NCMAP: variants seen among roughly 807,000 people sequenced by gnomAD.
NCMAP encodes the protein noncompact myelin-associated protein.
A neutral mutation model predicts 7.8 loss-of-function variants in NCMAP; 8 were observed. The ratio of observed to expected loss-of-function variants is 1.02; its 90% CI spans 0.60 to 1.84. The LOEUF is 1.84. Ranked by LOEUF, NCMAP falls within the 40% of genes most tolerant of loss-of-function variation. The probability of loss-of-function intolerance (pLI) is 0.00; values close to 1 mark genes in which losing one functional copy is unlikely to be tolerated. For synonymous variants in NCMAP, 41 were observed against 52.9 expected (o/e 0.78, Z 0.98); for missense variants, 112 against 131.4 (o/e 0.85, Z 0.72).
intron 1 of NCMAP, among the ~76,000 whole-genome samples, chr1:24,586,088 T>C (rs1651872354): frequency 6.6e-6 from 1 of 152,230 alleles, no homozygotes; most frequent in South Asian, 2.1e-4. Flanking sequence ...ATCTCATTTA[T>C]TCTCACAACC....
intron 1 of NCMAP, among the ~76,000 whole-genome samples, chr1:24,558,325 T>C (rs180957997): frequency 6.6e-6 from 1 of 152,294 alleles, no homozygotes. Flanking sequence ...CCTAGCATGG[T>C]GTGTGGCTCA....
At chr1:24,558,324 G>C (rs1320902210) in intron 1 of NCMAP, among the ~76,000 whole-genome samples, 1 of 152,182 alleles carries the variant, frequency 6.6e-6, no homozygotes, top group Non-Finnish European at 1.5e-5. Flanking sequence ...ACCTAGCATG[G>C]TGTGTGGCTC....
intron 1 of NCMAP, among the ~76,000 whole-genome samples, chr1:24,569,581 T>A (rs189147006): frequency 2.7e-5 from 4 of 150,666 alleles, no homozygotes; most frequent in African/African-American, 1.0e-4. Context: ...TGAACTGTGG[T>A]GTACTTGGCC....
chr1:24,601,237 G>A (rs1424681433), intron 3 of NCMAP, among the ~76,000 whole-genome samples: 2 of 152,116 alleles, frequency 1.3e-5, no homozygotes, highest in Admixed American at 6.5e-5. Flanking sequence ...TTTTTTAAAC[G>A]TAGTAATGAT....
chr1:24,587,315 G>A (rs544514987), intron 1 of NCMAP, among the ~76,000 whole-genome samples: 2 of 152,282 alleles, frequency 1.3e-5, no homozygotes, highest in South Asian at 4.1e-4. Flanking sequence ...TACAATTGGT[G>A]TTTTGAAGGG....
intron 3 of NCMAP, among the ~76,000 whole-genome samples, chr1:24,603,180 C>T (rs191855718): frequency 1.4e-4 from 21 of 152,132 alleles, no homozygotes; most frequent in African/African-American, 4.8e-4. Context: ...ATCTAACAAC[C>T]GCACGAGGTG....
intron 1 of NCMAP, among the ~76,000 whole-genome samples, chr1:24,572,360 C>G (rs1199170734): frequency 6.6e-6 from 1 of 150,806 alleles, no homozygotes; most frequent in African/African-American, 2.5e-5. Flanking sequence ...GGCTCCAACC[C>G]CATCAGACCC....
At chr1:24,602,569 CAAAA>C (rs10630961) in intron 3 of NCMAP, among the ~76,000 whole-genome samples, 5 of 40,064 alleles carry the variant, frequency 1.2e-4, no homozygotes, top group Non-Finnish European at 2.0e-4. Flanking sequence ...GACTCCATCT[CAAAA>C]AAAAAAAAAA....
chr1:24,577,544 G>A (rs1409931504), intron 1 of NCMAP, among the ~76,000 whole-genome samples: 1 of 151,416 alleles, frequency 6.6e-6, no homozygotes, highest in African/African-American at 2.4e-5. Flanking sequence ...CAAAGTGCAG[G>A]GATTACAGGC....
chr1:24,591,135 T>C (rs1428149637), intron 1 of NCMAP, among the ~76,000 whole-genome samples: 1 of 152,336 alleles, frequency 6.6e-6, no homozygotes, highest in East Asian at 1.9e-4. Context: ...AAATGTAGCA[T>C]TAATGGCAGA....
intron 1 of NCMAP, among the ~76,000 whole-genome samples, chr1:24,562,998 G>C (rs981466706): frequency 2.6e-5 from 4 of 152,206 alleles, no homozygotes; most frequent in African/African-American, 9.6e-5. Flanking sequence ...GAACTCACCT[G>C]CCAAAATAAT....
At chr1:24,599,517 A>T (rs1652386555) in intron 2 of NCMAP, among the ~76,000 whole-genome samples, 3 of 152,166 alleles carry the variant, frequency 2.0e-5, no homozygotes, top group Non-Finnish European at 4.4e-5. Flanking sequence ...AGAAAAATAT[A>T]TAATTAAACA....
At chr1:24,595,342 G>A (rs552580375) in intron 1 of NCMAP, 82 bp from the exon 2 acceptor site, 1 of 957,258 alleles carries the variant, frequency 1.0e-6, no homozygotes, top group Admixed American at 2.1e-5. Context: ...CAGTCATCCA[G>A]ATAAAGACCA....
At chr1:24,588,799 G>A (rs1398063568) in intron 1 of NCMAP, among the ~76,000 whole-genome samples, 2 of 152,164 alleles carry the variant, frequency 1.3e-5, no homozygotes, top group Admixed American at 6.5e-5. Flanking sequence ...CCAAGGGCAG[G>A]AGTAGTTGGG....
chr1:24,586,038 T>C (rs1314684639), intron 1 of NCMAP, among the ~76,000 whole-genome samples: 2 of 152,180 alleles, frequency 1.3e-5, no homozygotes, highest in African/African-American at 4.8e-5. Flanking sequence ...GGCTGGGAAC[T>C]GGCATGAGCA....
At chr1:24,586,759 C>CAAAAAAAAAAAAAAAAAAAAAAAAAAA (rs71577722) in intron 1 of NCMAP, among the ~76,000 whole-genome samples, 1 of 107,426 alleles carries the variant, frequency 9.3e-6, no homozygotes. Flanking sequence ...GACTCCATCT[C>CAAAAAAAAAAAAAAAAAAAAAAAAAAA]AAAAAAAAAA....
Position 24,601,290 on chromosome 1 carries a change from T to A in NCMAP, c.167+266T>A, listed in dbSNP as rs531426734. Among the ~76,000 whole-genome samples, 3 of 151,960 alleles carry A rather than the reference T, an allele frequency of 2.0e-5. No individual in the cohort carries two copies. The East Asian group carries it at 5.8e-4, about 29-fold the overall frequency. ...TCTTGAGCACTGTGGTAAACATTTG[T>A]TTGTAATTTACAGATAATAGAGGAA... On this transcript the variant is annotated intron_variant, in intron 3 of 3. Coordinates refer to ENST00000374392, the MANE Select transcript of NCMAP (RefSeq NM_001010980.5).
Position 24,597,631 on chromosome 1 carries a change from GAA to G in NCMAP, c.82+2121_82+2122del, listed in dbSNP as rs1208419975. ...AAAGAAAGAAAGAGAAAGAAAGAAAGAAAGAAAGAAAGAAAGAAAGAAAGAAA... is the reference window on the plus strand; with the variant it reads ...AAAGAAAGAAAGAGAAAGAAAGAAAGAGAAAGAAAGAAAGAAAGAAAGAAA... On this transcript the variant is annotated intron_variant, in intron 2 of 3. Transcript: ENST00000374392. Among the ~76,000 whole-genome samples, 593 of 113,066 alleles carry G rather than the reference GAA, an allele frequency of 5.2e-3. 28 individuals carry two copies. Among genetic ancestry groups the G allele is most frequent in the African/African-American group, 0.022 (561 of 25,470 alleles). 74.2% of individuals were successfully genotyped at this position (113,066 alleles called of 152,430 possible). A position where few individuals can be genotyped will look rare whatever the true frequency, so the allele number is the denominator to read the frequency against.
At chr1:24,577,959 G>T (rs1472667465) in intron 1 of NCMAP, among the ~76,000 whole-genome samples, 1 of 151,958 alleles carries the variant, frequency 6.6e-6, no homozygotes, top group Non-Finnish European at 1.5e-5. Flanking sequence ...TTAGAAAAGA[G>T]GTCTAAAAAA....
Sources: allele counts gnomAD v4.1 joint callset (sites outside exome capture counted in the v4.1 genomes callset), GRCh38; gene constraint gnomAD v4.1.1; transcripts MANE v1.5; gene names NCBI Gene and HGNC (gene_info 2026-07-23, HGNC 2026-07-21).